Variants in PTPRS observed in about 807,000 individuals in gnomAD.
PTPRS encodes the protein protein tyrosine phosphatase receptor type S.
Under a neutral mutation model 215.3 loss-of-function variants are expected in PTPRS, and 63 were observed. The observed-to-expected ratio is 0.29, with a 90% CI of 0.24 to 0.36. The LOEUF is 0.36. Among genes scored for constraint, PTPRS ranks in the 10% least tolerant of loss-of-function variants. PTPRS has a pLI of 1.00. For synonymous variants in PTPRS, 1,404 were observed against 1,191.4 expected (o/e 1.18, Z -3.68); for missense variants, 2,258 against 2,825.8 (o/e 0.80, Z 4.56).
At chr19:5,335,026 C>T (rs1052119052) in intron 1 of PTPRS, among the ~76,000 whole-genome samples, 1 of 152,184 alleles carries the variant, frequency 6.6e-6, no homozygotes, top group East Asian at 1.9e-4. Context: ...AAATTATACA[C>T]ACACAGACGC....
chr19:5,281,285 ACCCC>A (rs1200691829), intron 2 of PTPRS, among the ~76,000 whole-genome samples: 1 of 150,534 alleles, frequency 6.6e-6, no homozygotes, highest in East Asian at 2.0e-4. Context: ...ACATGGTGAA[ACCCC>A]ATCTCTACTA....
chr19:5,335,258 C>A (rs2050457556), intron 1 of PTPRS, among the ~76,000 whole-genome samples: 1 of 152,208 alleles, frequency 6.6e-6, no homozygotes, highest in East Asian at 1.9e-4. Context: ...GCGTTGAGAG[C>A]CAGGGGAGGC....
At chr19:5,216,815 G>A (rs1426674758) in intron 25 of PTPRS, 48 bp from the exon 26 acceptor site, 1 of 1,342,398 alleles carries the variant, frequency 7.4e-7, no homozygotes, top group Admixed American at 2.0e-5. Flanking sequence ...GGGGGTAGGG[G>A]GGGGTCCCAC....
Position 5,257,141 on chromosome 19 carries a change from A to C in PTPRS, c.706+876T>G, listed in dbSNP as rs564500958. On this transcript the variant is annotated intron_variant, in intron 8 of 37. Coordinates refer to ENST00000262963, the MANE Select transcript of PTPRS (RefSeq NM_002850.4). This position sits in a 1 kb window ranked among gnomAD's most constrained non-coding sequence, Gnocchi z 4.4. ...TCTGAAAAGACCCAAGAGCCAACAC[A>C]CGAGATAAGAGGAGGCCAACGGAGG... is the stretch of plus-strand genomic sequence containing the variant. 6.7e-6 allele frequency among the ~76,000 whole-genome samples: 1 copy of C among 150,078 alleles called. No homozygotes were observed. Among genetic ancestry groups the C allele is most frequent in the Non-Finnish European group, 1.5e-5 (1 of 67,520 alleles).
intron 7 of PTPRS, among the ~76,000 whole-genome samples, chr19:5,258,397 G>A (rs2045737269): frequency 6.6e-6 from 1 of 152,208 alleles, no homozygotes; most frequent in African/African-American, 2.4e-5. Flanking sequence ...TGAGACTGCT[G>A]CCTCATGACT....
chr19:5,339,476 A>C lies in PTPRS; in HGVS notation c.-95+1188T>G, dbSNP rs915213399. On this transcript the variant is annotated intron_variant, in intron 1 of 37. Coordinates refer to ENST00000262963, the MANE Select transcript of PTPRS (RefSeq NM_002850.4). The surrounding 1 kb of genome is among the most constrained non-coding windows in gnomAD (Gnocchi z 4.2). The stretch of plus-strand genomic sequence containing the variant: ...CCCAGTTTGTGGGAAAGGTTCCCTG[A>C]TTTGAGGATTCTGGAGAGAAAGCGG... 6.6e-6 allele frequency among the ~76,000 whole-genome samples: 1 copy of C among 151,340 alleles called. No homozygotes were observed. The highest frequency in any genetic ancestry group is 6.6e-5 in the Admixed American group (1 of 15,202).
intron 7 of PTPRS, 74 bp downstream of exon 7, chr19:5,260,731 C>T (rs1159408033): frequency 4.4e-6 from 7 of 1,578,328 alleles, no homozygotes; most frequent in Non-Finnish European, 4.4e-6. Flanking sequence ...TGGGGGCAGG[C>T]CCTGTGGAGC....
Position 5,229,571 on chromosome 19 carries a change from GGTAGCCGCGGATCTGGCC to G in PTPRS, c.2251_2268del (p.Gly751_Tyr756del). 1.4e-6 allele frequency: 2 copies of G among 1,454,604 alleles called. No homozygotes were observed. Among genetic ancestry groups the G allele is most frequent in the Non-Finnish European group, 1.8e-6 (2 of 1,104,682 alleles). 90.1% of individuals were successfully genotyped at this position (1,454,604 alleles called of 1,614,324 possible). ...CCCTCCATGCGCACGTAGTGGACCT[GGTAGCCGCGGATCTGGCC>G]GTGCTGCCGGCCGGGCGCGGGCGAG... On this transcript the variant is annotated inframe_deletion, in exon 15 of 38. Transcript: ENST00000262963.
intron 9 of PTPRS, among the ~76,000 whole-genome samples, chr19:5,255,582 A>C (rs1320885725): frequency 2.0e-5 from 3 of 151,810 alleles, no homozygotes; most frequent in African/African-American, 7.3e-5. Flanking sequence ...ACCAAAGAAA[A>C]AAAGAAAAAA....
Position 5,218,548 on chromosome 19 carries a change from G to C in PTPRS, c.3936-16C>G, listed in dbSNP as rs778300034. The C allele has an allele frequency of 6.2e-7, 1 of 1,612,018 alleles. No homozygotes were observed. Among genetic ancestry groups the C allele is most frequent in the African/African-American group, 1.3e-5 (1 of 74,862 alleles). On this transcript the variant is annotated splice_polypyrimidine_tract_variant and intron_variant, in intron 24 of 37. Coordinates refer to ENST00000262963, the MANE Select transcript of PTPRS (RefSeq NM_002850.4). ...CTTGCGTTTACTTTAGGAGAAGCAA[G>C]CGGAACAGTCCAGTTAGTAGTGGCA...
In PTPRS at chr19:5,260,812, C is replaced by A; in HGVS notation, c.588G>T (p.Pro196=). 1.9e-6 allele frequency: 3 copies of A among 1,613,692 alleles called. No individual in the cohort carries two copies. The change falls in exon 7 of 38, where the codon CCG becomes CCT. Residue 196 remains proline, a synonymous_variant. Transcript: ENST00000262963. The part of the protein sequence containing the change: ...QLRSETFEST[P]IRGALQIESS... ...GAGTGAGGAGCCTCTTACCTCGAAT[C>A]GGAGTGCTTTCTGTAAGGGAAGCAG...
chr19:5,276,529 ACG>A (rs1482081544), intron 2 of PTPRS, among the ~76,000 whole-genome samples: 3 of 27,850 alleles, frequency 1.1e-4, no homozygotes, highest in South Asian at 6.2e-4. Flanking sequence ...GGCCTGGAGT[ACG>A]TGTTTTTTTT....
Position 5,245,839 on chromosome 19 carries a change from A to C in PTPRS, c.925T>G (p.Tyr309Asp). Reference sequence around the variant, plus strand: ...AGGCTGGACATGGCCACGCAGGTGTAGTTGGCCGAGTCCTTGACATCTGTG... The same window carrying C: ...AGGCTGGACATGGCCACGCAGGTGTCGTTGGCCGAGTCCTTGACATCTGTG... ...ELTDVKDSAN[Y>D]TCVAMSSLGV... Residue 309 changes from tyrosine (Y) to aspartate (D), a missense_variant, in exon 10 of 38, where the codon TAC becomes GAC. Tyr to Asp is a radical substitution (Grantham distance 160). Coordinates refer to ENST00000262963, the MANE Select transcript of PTPRS (RefSeq NM_002850.4). 1 of 1,613,622 alleles carries C rather than the reference A, an allele frequency of 6.2e-7. No homozygotes were observed.
Position 5,244,016 on chromosome 19 carries a change from C to G in PTPRS, c.1455G>C (p.Leu485=). The part of the protein sequence containing the change: ...WQKHNVDDSL[L]TTVGSLLEDE... Reference sequence around the variant, plus strand: ...CCTCCAGCAGGCTGCCCACGGTGGTCAGCAGGCTGTCGTCCACGTTGTGCT... The same window carrying G: ...CCTCCAGCAGGCTGCCCACGGTGGTGAGCAGGCTGTCGTCCACGTTGTGCT... The change falls in exon 11 of 38, where the codon CTG becomes CTC. Residue 485 remains leucine, a synonymous_variant. Transcript: ENST00000262963. This position sits in a 1 kb window ranked among gnomAD's most constrained non-coding sequence, Gnocchi z 7.2. The G allele has an allele frequency of 1.2e-6, 2 of 1,607,196 alleles. No individual in the cohort carries two copies. Among genetic ancestry groups the G allele is most frequent in the Non-Finnish European group, 1.7e-6 (2 of 1,179,422 alleles).
chr19:5,269,152 T>C (rs1429339778), intron 4 of PTPRS, among the ~76,000 whole-genome samples: 2 of 152,062 alleles, frequency 1.3e-5, no homozygotes, highest in African/African-American at 2.4e-5. Context: ...CATGCGTGGG[T>C]ACATGTGTGC....
chr19:5,322,359 C>T (rs770905343), intron 1 of PTPRS, among the ~76,000 whole-genome samples: 1 of 152,152 alleles, frequency 6.6e-6, no homozygotes, highest in Non-Finnish European at 1.5e-5. Context: ...GGCCCGTCAG[C>T]GCAGCACCAC....
At chr19:5,252,895 A>G (rs1329914117) in intron 9 of PTPRS, among the ~76,000 whole-genome samples, 2 of 150,856 alleles carry the variant, frequency 1.3e-5, no homozygotes, top group Non-Finnish European at 3.0e-5. Context: ...AAAAAAAAAA[A>G]AGTAAAAGAA....
rs13382070 is a variant in PTPRS, at chr19:5,326,526, C to T, written c.-95+14138G>A. On this transcript the variant is annotated intron_variant, in intron 1 of 37. Transcript: ENST00000262963. The stretch of plus-strand genomic sequence containing the variant: ...TAAAAGAGAATGGGTTTAAACAAAA[C>T]GTGTCAAGTACTGGCTGGGCACGGT... Among the ~76,000 whole-genome samples, 1,436 of 151,992 alleles carry T rather than the reference C, an allele frequency of 9.4e-3. 24 individuals carry two copies. The highest frequency in any genetic ancestry group is 0.033 in the African/African-American group (1,359 of 41,480).
intron 1 of PTPRS, among the ~76,000 whole-genome samples, chr19:5,291,558 C>T (rs77677887): frequency 0.02 from 2,983 of 152,162 alleles, 93 homozygotes; most frequent in African/African-American, 0.068. Flanking sequence ...CTGCTCTGGG[C>T]CCTTCTTGAT....
Sources: gnomAD v4.1 joint callset for allele counts (sites outside exome capture counted in the v4.1 genomes callset) on GRCh38, gnomAD v4.1.1 for gene constraint, Gnocchi (gnomAD v3.1) non-coding constraint, MANE v1.5 for transcripts, NCBI Gene and HGNC (gene_info 2026-07-23, HGNC 2026-07-21) for gene names.